CCDC142: variants seen among roughly 807,000 people sequenced by gnomAD.
The protein encoded by CCDC142 is coiled-coil domain containing 142, also known as coiled-coil domain-containing protein 142.
In CCDC142, 67 loss-of-function variants were observed where a neutral mutation model predicts 83.8. The ratio of observed to expected loss-of-function variants is 0.80; its 90% CI spans 0.66 to 0.98. The LOEUF is 0.98. CCDC142 is among the 50% of genes least tolerant of loss of function. The pLI is 0.00. For missense variants in CCDC142, 905 were observed against 946.8 expected, an observed-to-expected ratio of 0.96 and a Z score of 0.58; for synonymous variants, 421 against 421.2, an observed-to-expected ratio of 1.00 and a Z score of 0.01.
chr2:74,475,491 G>A (rs1255577273), intron 6 of CCDC142, 89 bp from the exon 7 acceptor site: 2 of 1,479,412 alleles, frequency 1.4e-6, no homozygotes, highest in Non-Finnish European at 1.8e-6. Flanking sequence ...GATTTCAGGA[G>A]GGAAGGGTAC....
At position 74,481,009 on chromosome 2, in the gene CCDC142, A is replaced by G; in HGVS notation, c.1336T>C (p.Leu446=). 1 of 1,614,152 alleles carries G rather than the reference A, an allele frequency of 6.2e-7. No individual in the cohort carries two copies. Among genetic ancestry groups the G allele is most frequent in the Non-Finnish European group, 8.5e-7 (1 of 1,180,038 alleles). Residue 446 remains leucine, a synonymous_variant, in exon 4 of 9, where the codon TTG becomes CTG. Transcript: ENST00000393965. The stretch of plus-strand genomic sequence containing the variant: ...AAGGAAGCTGGGTCCCATGCTGCCA[A>G]GTACTGCTGAGCTCTGCCCAGGAAC... ...LWFLGRAQQY[L]AAWDPASFLL...
At position 74,482,337 on chromosome 2, in the gene CCDC142, T is replaced by C. The variant is rs374017120; in HGVS notation, c.501A>G (p.Leu167=). Residue 167 remains leucine (L), a synonymous_variant, in exon 1 of 9, where the codon CTA becomes CTG. Coordinates refer to ENST00000393965, the MANE Select transcript of CCDC142 (RefSeq NM_001365575.2). This position sits in a 1 kb window ranked among gnomAD's most constrained non-coding sequence, Gnocchi z 5.0. ...GPGETLEPLL[L]ARPIGLAAQC... is the part of the protein sequence containing the mutation. Reference sequence around the variant, plus strand: ...GGGCGGCTAGTCCGATGGGGCGCGCTAGCAGCAGCGGCTCGAGAGTCTCCC... The same window carrying C: ...GGGCGGCTAGTCCGATGGGGCGCGCCAGCAGCAGCGGCTCGAGAGTCTCCC... The C allele has an allele frequency of 2.5e-6, 4 of 1,604,266 alleles. No homozygotes were observed. The African/African-American group carries it at 5.3e-5, about 21-fold the overall frequency.
intron 5 of CCDC142, among the ~76,000 whole-genome samples, chr2:74,479,210 C>T (rs891122738): frequency 6.6e-6 from 1 of 151,888 alleles, no homozygotes; most frequent in Non-Finnish European, 1.5e-5. Context: ...AAAAAGAACT[C>T]TGGGAGCCAG....
chr2:74,481,099 G>A lies in CCDC142; in HGVS notation c.1259-13C>T. 1.9e-6 allele frequency: 3 copies of A among 1,609,118 alleles called. No homozygotes were observed. Among genetic ancestry groups the A allele is most frequent in the South Asian group, 1.1e-5 (1 of 90,936 alleles). ...ACAGGCGCAGGATCTGGGGATTTGAGCAGCAGAGTGAGTATCTTAGGGGTC... is the reference window on the plus strand; with the variant it reads ...ACAGGCGCAGGATCTGGGGATTTGAACAGCAGAGTGAGTATCTTAGGGGTC... On this transcript the variant is annotated splice_polypyrimidine_tract_variant and intron_variant, in intron 3 of 8. Transcript: ENST00000393965.
At chr2:74,480,686 G>A (rs997055192) in intron 5 of CCDC142, 83 bp downstream of exon 5, 2 of 879,614 alleles carry the variant, frequency 2.3e-6, no homozygotes, top group African/African-American at 1.7e-5. Context: ...CCAAGTTACT[G>A]AGATGTTCTA....
At position 74,482,560 on chromosome 2, in the gene CCDC142, G is replaced by T; in HGVS notation, c.278C>A (p.Ala93Glu). 6.2e-7 allele frequency: 1 copy of T among 1,600,538 alleles called. No individual in the cohort carries two copies. Residue 93 changes from alanine (A) to glutamate (E), a missense_variant, in exon 1 of 9, where the codon GCG becomes GAG. Ala to Glu is a moderately radical substitution (Grantham distance 107). Around this residue, in one of 3 missense-constraint regions of CCDC142, gnomAD observed 591 missense variants for 571.4 expected, o/e 1.03. Transcript: ENST00000393965. This position sits in a 1 kb window ranked among gnomAD's most constrained non-coding sequence, Gnocchi z 5.0. ...PIPPALQRLR[A>E]VLLRLHRERE... The stretch of plus-strand genomic sequence containing the variant: ...CTCGCGATGCAGCCGCAGCAACACC[G>T]CCCGGAGACGCTGCAGCGCGGGAGG...
chr2:74,482,163 C>T lies in CCDC142; in HGVS notation c.675G>A (p.Gly225=), dbSNP rs1333900607. Residue 225 remains glycine, a synonymous_variant, in exon 1 of 9, where the codon GGG becomes GGA. Transcript: ENST00000393965. The surrounding 1 kb of genome is among the most constrained non-coding windows in gnomAD (Gnocchi z 5.0). ...LQRKALSHVP[G]AARPFPTSRV... ...GGGACGTGGGGAAAGGACGTGCGGC[C>T]CCTGGGACGTGGCTCAAGGCTTTTC... 8.7e-6 allele frequency: 14 copies of T among 1,613,610 alleles called. No individual in the cohort carries two copies. Among genetic ancestry groups the T allele is most frequent in the Non-Finnish European group, 1.2e-5 (14 of 1,179,948 alleles).
intron 5 of CCDC142, among the ~76,000 whole-genome samples, chr2:74,476,630 C>G (rs1418177617): frequency 6.6e-6 from 1 of 152,174 alleles, no homozygotes; most frequent in Non-Finnish European, 1.5e-5. Flanking sequence ...TTCTTCACAG[C>G]CCACTCCAGA....
At chr2:74,480,530 G>A (rs1406562936) in intron 5 of CCDC142, among the ~76,000 whole-genome samples, 1 of 150,866 alleles carries the variant, frequency 6.6e-6, no homozygotes, top group Non-Finnish European at 1.5e-5. Flanking sequence ...GGTAGAGGCT[G>A]CAGTGAGCTG....
chr2:74,475,518 G>A, intron 6 of CCDC142, 94 bp downstream of exon 6: 2 of 1,450,336 alleles, frequency 1.4e-6, no homozygotes, highest in Non-Finnish European at 1.9e-6. Flanking sequence ...TGAGGACAAG[G>A]ATGGAGACAG....
Position 74,472,924 on chromosome 2 carries a change from T to G in CCDC142, c.*1622A>C. ...TCCTCTCATACGACGGTGAAAACCA[T>G]AAATAAATGGCGCAAAAACCTCTTT... is the stretch of plus-strand genomic sequence containing the variant. On this transcript the variant is annotated 3_prime_UTR_variant, in exon 9 of 9. Coordinates refer to ENST00000393965, the MANE Select transcript of CCDC142 (RefSeq NM_001365575.2). The G allele has an allele frequency of 1.9e-6, 1 of 540,444 alleles. No individual in the cohort carries two copies. 33.5% of individuals were successfully genotyped at this position (540,444 alleles called of 1,614,324 possible). A position where few individuals can be genotyped will look rare whatever the true frequency, so the allele number is the denominator to read the frequency against.
rs13385919 is a variant in CCDC142, at chr2:74,475,629, C to T, written c.1601G>A (p.Arg534Gln). Residue 534 changes from arginine (R) to glutamine (Q), a missense_variant, in exon 6 of 9, where the codon CGG becomes CAG. By Grantham distance (43) the Arg-to-Gln change is conservative. Coordinates refer to ENST00000393965, the MANE Select transcript of CCDC142 (RefSeq NM_001365575.2). ...KLYMPRGRYW[R>Q]LRLCPEPPSA... Reference sequence around the variant, plus strand: ...GGAGTTACCAGGACAGAGACGAAGCCGCCAGTACCGACCCCGTGGCATGTA... The same window carrying T: ...GGAGTTACCAGGACAGAGACGAAGCTGCCAGTACCGACCCCGTGGCATGTA... The T allele has an allele frequency of 5.9e-3, 9,537 of 1,613,682 alleles. 62 individuals are homozygous for T. The highest frequency in any genetic ancestry group is 0.016 in the African/African-American group (1,232 of 74,968).
chr2:74,476,257 C>T (rs1672323202), intron 5 of CCDC142, among the ~76,000 whole-genome samples: 1 of 152,156 alleles, frequency 6.6e-6, no homozygotes, highest in Admixed American at 6.5e-5. Context: ...ACTGCAACCT[C>T]TGCCTCCCGG....
At chr2:74,480,690 T>C in intron 5 of CCDC142, 79 bp downstream of exon 5, 1 of 900,220 alleles carries the variant, frequency 1.1e-6, no homozygotes, top group Non-Finnish European at 1.7e-6. Context: ...GTTACTGAGA[T>C]GTTCTACTCT....
rs527769810 is a variant in CCDC142 at position 74,474,931 on chromosome 2, T to C, written c.1981A>G (p.Arg661Gly). ...QPLPKSQVHR[R>G]PPCCCACQEV... is the part of the protein sequence containing the mutation. ...AGTAACTCACAGCAACAGGGGGGCC[T>C]CCTGTGGACTTGAGACTTGGGCAGG... The change falls in exon 8 of 9, where the codon AGG (arginine) becomes GGG (glycine). Residue 661 changes from arginine to glycine, a missense_variant. By Grantham distance (125) the Arg-to-Gly change is moderately radical. Transcript: ENST00000393965. The C allele has an allele frequency of 4.4e-6, 7 of 1,597,960 alleles. No individual in the cohort carries two copies. The highest frequency in any genetic ancestry group is 1.3e-5 in the African/African-American group (1 of 74,724).
In CCDC142 at chr2:74,482,299, G is replaced by C. The variant is rs772061583; in HGVS notation, c.539C>G (p.Ala180Gly). The C allele has an allele frequency of 1.2e-5, 20 of 1,611,750 alleles. No individual in the cohort carries two copies. The highest frequency in any genetic ancestry group is 1.7e-5 in the Non-Finnish European group (20 of 1,179,572). Reference sequence around the variant, plus strand: ...AGCGCGAAGCTGCATCTCGATGACAGCCTCCAGGCACTGGGCGGCTAGTCC... The same window carrying C: ...AGCGCGAAGCTGCATCTCGATGACACCCTCCAGGCACTGGGCGGCTAGTCC... ...PIGLAAQCLEAVIEMQLRALG... is the reference protein window; with the variant it reads ...PIGLAAQCLEGVIEMQLRALG... The change falls in exon 1 of 9, where the codon GCT (alanine) becomes GGT (glycine). Residue 180 changes from alanine (A) to glycine (G), a missense_variant. Transcript: ENST00000393965. This position sits in a 1 kb window ranked among gnomAD's most constrained non-coding sequence, Gnocchi z 5.0.
In CCDC142 at chr2:74,475,132, A is replaced by G. The variant is rs766979399; in HGVS notation, c.1797-17T>C. 1.2e-6 allele frequency: 2 copies of G among 1,610,634 alleles called. No homozygotes were observed. The highest frequency in any genetic ancestry group is 4.5e-5 in the East Asian group (2 of 44,886). On this transcript the variant is annotated splice_polypyrimidine_tract_variant and intron_variant, in intron 7 of 8. Transcript: ENST00000393965. The stretch of plus-strand genomic sequence containing the variant: ...CCCTGCAGGCTGAAGGCAGAGGTAC[A>G]GTATGGCCACTTGACCCTCCTGCCT...
Position 74,474,719 on chromosome 2 carries a change from C to CA in CCDC142, c.2079dup (p.Gly694TrpfsTer20), listed in dbSNP as rs1230909115. Reference sequence around the variant, plus strand: ...TGACCTGTCTGGGCTGGAGATGTTCCAGGCTGGAGCGGGGGCTCCAAGCTC... The same window carrying CA: ...TGACCTGTCTGGGCTGGAGATGTTCCAAGGCTGGAGCGGGGGCTCCAAGCTC... On this transcript the variant is annotated frameshift_variant, in exon 9 of 9. Transcript: ENST00000393965. LOFTEE classifies it high-confidence loss of function. 1.2e-6 allele frequency: 2 copies of CA among 1,614,232 alleles called. No homozygotes were observed. Among genetic ancestry groups the CA allele is most frequent in the Non-Finnish European group, 1.7e-6 (2 of 1,180,040 alleles).
intron 5 of CCDC142, among the ~76,000 whole-genome samples, chr2:74,476,044 A>AAC (rs58719599): frequency 0.034 from 3,299 of 97,592 alleles, 145 homozygotes; most frequent in African/African-American, 0.06. Context: ...CCACCCCCGC[A>AAC]ACACACACAC....
Sources: allele counts gnomAD v4.1 joint callset (sites outside exome capture counted in the v4.1 genomes callset), GRCh38; gene constraint gnomAD v4.1.1; regional missense constraint gnomAD v4.1.1; non-coding constraint Gnocchi (gnomAD v3.1); transcripts MANE v1.5; gene names NCBI Gene and HGNC (gene_info 2026-07-23, HGNC 2026-07-21).